The following CATSPERE variants were observed in gnomAD, a reference collection of about 807,000 sequenced individuals.
CATSPERE encodes the protein catsper channel auxiliary subunit epsilon.
CATSPERE carries 93 observed loss-of-function variants against 114.1 expected under a neutral mutation model. The observed-to-expected ratio is 0.81, with a 90% CI of 0.69 to 0.97. The LOEUF (loss-of-function observed/expected upper bound fraction) is 0.97. CATSPERE is among the 50% of genes least tolerant of loss of function. The pLI, the probability that CATSPERE is intolerant of heterozygous loss-of-function variation, is 0.00. For missense variants in CATSPERE, 1,058 were observed against 1,131.6 expected (o/e 0.93, Z 0.93); for synonymous variants, 341 against 384.1 (o/e 0.89, Z 1.31).
At chr1:244,582,622 G>A (rs529090517) in intron 12 of CATSPERE, among the ~76,000 whole-genome samples, 15 of 151,932 alleles carry the variant, frequency 9.9e-5, no homozygotes, top group Non-Finnish European at 1.9e-4. Flanking sequence ...GGCTGGTCTC[G>A]AACTCCCAAC....
At chr1:244,535,007 G>A (rs534278924) in intron 8 of CATSPERE, among the ~76,000 whole-genome samples, 1 of 152,304 alleles carries the variant, frequency 6.6e-6, no homozygotes, top group East Asian at 1.9e-4. Context: ...CCCAAGCCCA[G>A]TAATGCTATG....
At chr1:244,474,134 C>G (rs1668907977) in intron 2 of CATSPERE, among the ~76,000 whole-genome samples, 2 of 152,014 alleles carry the variant, frequency 1.3e-5, no homozygotes, top group South Asian at 2.1e-4. Context: ...CAGGTTCAAG[C>G]AATTCTCTTG....
Position 244,477,615 on chromosome 1 carries a change from G to T in CATSPERE, c.188+1G>T. 6.4e-7 allele frequency: 1 copy of T among 1,565,688 alleles called. No homozygotes were observed. Among genetic ancestry groups the T allele is most frequent in the Non-Finnish European group, 8.8e-7 (1 of 1,137,256 alleles). On this transcript the variant is annotated splice_donor_variant, in intron 3 of 21. Coordinates refer to ENST00000366534, the MANE Select transcript of CATSPERE (RefSeq NM_001130957.2). LOFTEE classifies it high-confidence loss of function. ...AAACTTGTTTTGTGCTAAATAAAAG[G>T]TAAGATTTATGCCATGAATATCAAT...
intron 19 of CATSPERE, among the ~76,000 whole-genome samples, chr1:244,610,830 T>G (rs1018159576): frequency 6.6e-6 from 1 of 151,522 alleles, no homozygotes; most frequent in Non-Finnish European, 1.5e-5. Flanking sequence ...GCACAATCTC[T>G]GCTCACTGCA....
chr1:244,576,139 G>T (rs189235621), intron 11 of CATSPERE, among the ~76,000 whole-genome samples: 5 of 152,138 alleles, frequency 3.3e-5, no homozygotes, highest in Admixed American at 1.3e-4. Context: ...GGTCCACGTG[G>T]TATGTGAGGA....
chr1:244,582,535 T>A (rs755826802), intron 12 of CATSPERE, among the ~76,000 whole-genome samples: 127 of 151,998 alleles, frequency 8.4e-4, no homozygotes, highest in Non-Finnish European at 1.7e-3. Context: ...CCCGAGTAGC[T>A]GGGATTACAG....
intron 8 of CATSPERE, among the ~76,000 whole-genome samples, chr1:244,528,037 C>T (rs1368216674): frequency 6.6e-6 from 1 of 152,186 alleles, no homozygotes; most frequent in Non-Finnish European, 1.5e-5. Context: ...TGGTTTGCTG[C>T]ACAGATCATC....
chr1:244,616,548 T>TAG (rs1671420548), intron 19 of CATSPERE, among the ~76,000 whole-genome samples: 1 of 152,076 alleles, frequency 6.6e-6, no homozygotes, highest in Non-Finnish European at 1.5e-5. Context: ...TGCTGCATCA[T>TAG]CAGATGGCAG....
At chr1:244,477,877 T>G (rs1266009140) in intron 3 of CATSPERE, 29 bp from the exon 4 acceptor site, 2 of 1,543,982 alleles carry the variant, frequency 1.3e-6, no homozygotes, top group Non-Finnish European at 8.9e-7. Flanking sequence ...GCACCTATAA[T>G]TATTCTTTCT....
chr1:244,584,501 C>T (rs1385923162), intron 13 of CATSPERE, among the ~76,000 whole-genome samples: 3 of 147,882 alleles, frequency 2.0e-5, no homozygotes, highest in Non-Finnish European at 2.9e-5. Flanking sequence ...GAAATAGTAT[C>T]AGGGTGTTCA....
intron 2 of CATSPERE, among the ~76,000 whole-genome samples, chr1:244,475,945 G>C (rs1669278874): frequency 2.6e-5 from 4 of 151,590 alleles, no homozygotes; most frequent in Admixed American, 2.6e-4. Context: ...TTGTTTGTTT[G>C]TTTTTTTAAA....
At chr1:244,492,897 A>G (rs552593892) in intron 6 of CATSPERE, among the ~76,000 whole-genome samples, 1 of 149,876 alleles carries the variant, frequency 6.7e-6, no homozygotes, top group African/African-American at 2.5e-5. Flanking sequence ...AGGGATGTGA[A>G]GGACCTCTTC....
chr1:244,635,787 T>A (rs1674563657), intron 21 of CATSPERE, among the ~76,000 whole-genome samples: 1 of 152,146 alleles, frequency 6.6e-6, no homozygotes, highest in Non-Finnish European at 1.5e-5. Flanking sequence ...TTTTAATAAG[T>A]CTATATTTAG....
At chr1:244,610,554 T>G in intron 19 of CATSPERE, 2 of 640,300 alleles carry the variant, frequency 3.1e-6, no homozygotes, top group South Asian at 3.2e-5. Flanking sequence ...GCTGTAAATA[T>G]GTGTTTGCAG....
upstream of CATSPERE, among the ~76,000 whole-genome samples, chr1:244,458,538 A>C (rs921308828): frequency 2.0e-5 from 3 of 152,212 alleles, no homozygotes; most frequent in Non-Finnish European, 4.4e-5. Flanking sequence ...GGAAAAAAAA[A>C]CAAACTTCTA....
At chr1:244,535,127 C>G (rs7415441) in intron 8 of CATSPERE, among the ~76,000 whole-genome samples, 132,585 of 152,170 alleles carry the variant, frequency 0.87, 58,695 homozygotes, top group East Asian at 1. Flanking sequence ...CTCTCTCTCT[C>G]TCAGTGCTGA....
At chr1:244,566,652 CTTTTTTTTT>C (rs59466928) in intron 10 of CATSPERE, among the ~76,000 whole-genome samples, 4 of 49,068 alleles carry the variant, frequency 8.2e-5, no homozygotes, top group Admixed American at 5.9e-4. Context: ...GCAACCCCTG[CTTTTTTTTT>C]TTTTTTTTTT....
At chr1:244,459,290 G>A (rs944665057), upstream of CATSPERE, among the ~76,000 whole-genome samples, 5 of 152,020 alleles carry the variant, frequency 3.3e-5, no homozygotes, top group African/African-American at 1.2e-4. Context: ...TGTTGGCCAG[G>A]ACAGGCTTGA....
At chr1:244,524,092 A>G (rs1412898638) in intron 8 of CATSPERE, among the ~76,000 whole-genome samples, 2 of 151,544 alleles carry the variant, frequency 1.3e-5, no homozygotes, top group Non-Finnish European at 2.9e-5. Context: ...AAACTATACT[A>G]CAAGGCTGCA....
Sources: allele counts gnomAD v4.1 joint callset (sites outside exome capture counted in the v4.1 genomes callset), GRCh38; gene constraint gnomAD v4.1.1; transcripts MANE v1.5; gene names NCBI Gene and HGNC (gene_info 2026-07-23, HGNC 2026-07-21).